Variants in CIP2A observed in about 807,000 individuals in gnomAD.
The protein encoded by CIP2A is protein CIP2A.
In CIP2A, 103 loss-of-function variants were observed where a neutral mutation model predicts 110.9. The ratio of observed to expected loss-of-function variants is 0.93; its 90% CI spans 0.79 to 1.09. The LOEUF is 1.09. Ranked by LOEUF, CIP2A falls within the 50% of genes least tolerant of loss-of-function variation. CIP2A has a pLI of 0.00. For synonymous variants in CIP2A, 381 were observed against 361.6 expected (o/e 1.05, Z -0.61); for missense variants, 1,088 against 1,038.4 (o/e 1.05, Z -0.66).
intron 7 of CIP2A, among the ~76,000 whole-genome samples, 156 bp downstream of exon 7, chr3:108,579,123 GAA>G (rs1266986346): frequency 1.3e-5 from 2 of 152,122 alleles, no homozygotes; most frequent in African/African-American, 2.4e-5. Context: ...GTTCAGGAAA[GAA>G]AAAAGAGTGT....
At position 108,568,281 on chromosome 3, in the gene CIP2A, C is replaced by G. The variant is rs756285819; in HGVS notation, c.1147G>C (p.Asp383His). 6.2e-7 allele frequency: 1 copy of G among 1,612,172 alleles called. No individual in the cohort carries two copies. Among genetic ancestry groups the G allele is most frequent in the East Asian group, 2.2e-5 (1 of 44,798 alleles). Reference protein sequence around the residue: ...VIDAANCSSADRFVTLLLPTI... With the variant: ...VIDAANCSSAHRFVTLLLPTI... ...GGCAGCAGAAGGGTCACAAAACGATCAGCCGAGGAACAGTTAGCAGCATCT... is the reference window on the plus strand; with the variant it reads ...GGCAGCAGAAGGGTCACAAAACGATGAGCCGAGGAACAGTTAGCAGCATCT... Residue 383 changes from aspartate to histidine, a missense_variant, in exon 10 of 21, where the codon GAT (aspartate) becomes CAT (histidine). Coordinates refer to ENST00000295746, the MANE Select transcript of CIP2A (RefSeq NM_020890.3).
Position 108,560,154 on chromosome 3 carries a change from C to T in CIP2A, c.1828-126G>A, listed in dbSNP as rs1257823884. The T allele has an allele frequency of 9.8e-6, 6 of 611,874 alleles. No individual in the cohort carries two copies. In the East Asian group the frequency reaches 1.4e-4, roughly 14 times the overall value. The allele number at this position is 611,874 out of a possible 1,614,324, so 37.9% of individuals were successfully genotyped here. A position where few individuals can be genotyped will look rare whatever the true frequency, so the allele number is the denominator to read the frequency against. On this transcript the variant is annotated intron_variant, in intron 14 of 20. Transcript: ENST00000295746. ...ATGAGTAACAAAATAAAAACAAATG[C>T]TACATCAGGTAAGTCACAAATATTT...
intron 19 of CIP2A, among the ~76,000 whole-genome samples, chr3:108,553,072 T>TA (rs1283686546): frequency 2.1e-5 from 3 of 146,108 alleles, no homozygotes; most frequent in African/African-American, 7.5e-5. Context: ...AAAGTTGAAA[T>TA]AATAAAAAAA....
At chr3:108,586,591 C>T (rs942215559) in intron 1 of CIP2A, among the ~76,000 whole-genome samples, 11 of 152,150 alleles carry the variant, frequency 7.2e-5, no homozygotes, top group African/African-American at 2.7e-4. Flanking sequence ...CTTACTCTGG[C>T]CTAGGCATCG....
At chr3:108,556,110 A>G (rs528299649) in intron 17 of CIP2A, among the ~76,000 whole-genome samples, 5 of 152,264 alleles carry the variant, frequency 3.3e-5, no homozygotes, top group Non-Finnish European at 7.4e-5. Context: ...GTGGTGCCTC[A>G]AACAATCAGA....
intron 17 of CIP2A, among the ~76,000 whole-genome samples, chr3:108,556,893 G>A (rs1170598716): frequency 6.6e-6 from 1 of 152,072 alleles, no homozygotes; most frequent in East Asian, 1.9e-4. Flanking sequence ...TATGCAGCAA[G>A]CACTCCTACA....
chr3:108,587,829 T>C (rs911654639), intron 1 of CIP2A, among the ~76,000 whole-genome samples: 4 of 152,128 alleles, frequency 2.6e-5, no homozygotes, highest in African/African-American at 9.7e-5. Context: ...GTCACCCATG[T>C]TGGAGTGCAG....
At chr3:108,557,945 T>TC (rs1466162783) in intron 16 of CIP2A, among the ~76,000 whole-genome samples, 1 of 151,998 alleles carries the variant, frequency 6.6e-6, no homozygotes, top group East Asian at 1.9e-4. Flanking sequence ...AAAAGTTGGT[T>TC]CCCCCCAGCC....
rs1938783225 is a variant in CIP2A, at chr3:108,579,341, T to C, written c.758A>G (p.Tyr253Cys). The C allele has an allele frequency of 6.2e-7, 1 of 1,604,738 alleles. No individual in the cohort carries two copies. The highest frequency in any genetic ancestry group is 1.7e-5 in the Admixed American group (1 of 59,952). Residue 253 changes from tyrosine to cysteine, a missense_variant, in exon 7 of 21, where the codon TAT becomes TGT. Transcript: ENST00000295746. ...INGDGTLTRK[Y>C]SVDLLMDLLK... ...GAGATCCATCAGTAGGTCAACTGAATACTTTCTAGTTAGAGTGCCATCACC... is the reference window on the plus strand; with the variant it reads ...GAGATCCATCAGTAGGTCAACTGAACACTTTCTAGTTAGAGTGCCATCACC...
rs780070884 is a variant in CIP2A, at chr3:108,552,373, T to C, written c.2408A>G (p.Asn803Ser). The C allele has an allele frequency of 6.6e-7, 1 of 1,513,828 alleles. No homozygotes were observed. Among genetic ancestry groups the C allele is most frequent in the Non-Finnish European group, 8.9e-7 (1 of 1,123,398 alleles). The allele number at this position is 1,513,828 out of a possible 1,614,324, so 93.8% of individuals were successfully genotyped here. Residue 803 changes from asparagine (N) to serine (S), a missense_variant and splice_region_variant, in exon 20 of 21, where the codon AAT becomes AGT. Physicochemically the swap from Asn to Ser is conservative, Grantham distance 46. Coordinates refer to ENST00000295746, the MANE Select transcript of CIP2A (RefSeq NM_020890.3). Reference sequence around the variant, plus strand: ...TTGTACTTTTGTTTTTTGATGCAAATCTTAAAAGAAAAAAAAGTCAAGTAT... The same window carrying C: ...TTGTACTTTTGTTTTTTGATGCAAACCTTAAAAGAAAAAAAAGTCAAGTAT... ...QLVDREHKLA[N>S]LHQKTKVQEE...
intron 18 of CIP2A, 41 bp downstream of exon 18, chr3:108,554,335 A>G: frequency 3.7e-6 from 3 of 818,314 alleles, no homozygotes; most frequent in Non-Finnish European, 5.9e-6. Flanking sequence ...TTTGTTTTTG[A>G]AAAATCCCAC....
chr3:108,560,661 C>A lies in CIP2A; in HGVS notation c.1815G>T (p.Gln605His), dbSNP rs755092489. ...TTTTTTCACTCACCACCATTCCAGA[C>A]TGAAGTTTCTCTATTAATTCTTCAA... ...LNIEELIEKL[Q>H]SGMVVKDQIC... The change falls in exon 14 of 21, where the codon CAG becomes CAT. Residue 605 changes from glutamine (Q) to histidine (H), a missense_variant. Physicochemically the swap from Gln to His is conservative, Grantham distance 24. Transcript: ENST00000295746. 6.2e-7 allele frequency: 1 copy of A among 1,604,392 alleles called. No homozygotes were observed. The highest frequency in any genetic ancestry group is 8.5e-7 in the Non-Finnish European group (1 of 1,174,692).
chr3:108,556,968 T>A (rs1034373083), intron 17 of CIP2A, among the ~76,000 whole-genome samples: 6 of 152,310 alleles, frequency 3.9e-5, no homozygotes, highest in African/African-American at 1.4e-4. Flanking sequence ...ATCTCCCAAA[T>A]GACTGCTGAC....
chr3:108,554,528 G>T, intron 17 of CIP2A, 39 bp from the exon 18 acceptor site: 1 of 811,394 alleles, frequency 1.2e-6, no homozygotes, highest in East Asian at 2.7e-5. Flanking sequence ...CATTATGGAG[G>T]AAAACATATG....
At position 108,552,353 on chromosome 3, in the gene CIP2A, C is replaced by T. The variant is rs756044325; in HGVS notation, c.2428G>A (p.Val810Ile). Residue 810 changes from valine (V) to isoleucine (I), a missense_variant, in exon 20 of 21, where the codon GTA (valine) becomes ATA (isoleucine). Val to Ile is a conservative substitution (Grantham distance 29). Transcript: ENST00000295746. ...KLANLHQKTK[V>I]QEEKIKTLQK... ...AAGGTTTTAATCTTTTCTTCTTGTA[C>T]TTTTGTTTTTTGATGCAAATCTTAA... 26 of 1,535,526 alleles carry T rather than the reference C, an allele frequency of 1.7e-5. No individual in the cohort carries two copies. In the Admixed American group the frequency reaches 4.8e-4, roughly 28 times the overall value.
chr3:108,558,058 A>C (rs769588386), intron 16 of CIP2A, among the ~76,000 whole-genome samples: 2 of 152,158 alleles, frequency 1.3e-5, no homozygotes, highest in Non-Finnish European at 2.9e-5. Flanking sequence ...TATTTTTATA[A>C]GAACTTTTCC....
Position 108,568,158 on chromosome 3 carries a change from A to G in CIP2A, c.1270T>C (p.Leu424=). ...ERIAKAIEVL[L]TLCGDDTLKM... ...CGTTAATGACAGTAAAGGATATTTA[A>G]CAAAACTTCAATGGCCTTGGCAATC... The change falls in exon 10 of 21, where the codon TTA becomes CTA. Residue 424 remains leucine, a synonymous_variant. Coordinates refer to ENST00000295746, the MANE Select transcript of CIP2A (RefSeq NM_020890.3). The G allele has an allele frequency of 6.2e-7, 1 of 1,611,308 alleles. No individual in the cohort carries two copies.
intron 8 of CIP2A, among the ~76,000 whole-genome samples, chr3:108,574,126 T>C (rs1938487575): frequency 6.6e-6 from 1 of 152,126 alleles, no homozygotes; most frequent in Non-Finnish European, 1.5e-5. Context: ...TTGCATGTTA[T>C]ATACCCATCA....
In CIP2A at chr3:108,585,857, C is replaced by A. The variant is rs1254415200; in HGVS notation, c.103-645G>T. 2.7e-5 allele frequency: 12 copies of A among 444,726 alleles called. No homozygotes were observed. The Admixed American group carries it at 2.9e-4, about 11-fold the overall frequency. The allele number at this position is 444,726 out of a possible 1,614,324, so 27.5% of individuals were successfully genotyped here. On this transcript the variant is annotated intron_variant, in intron 1 of 20. Coordinates refer to ENST00000295746, the MANE Select transcript of CIP2A (RefSeq NM_020890.3). ...TCTGATTATTCCATTGTTTTTTTTA[C>A]TTTCTTGTAATCTATAAGCCACATA...
Sources: gnomAD v4.1 joint callset for allele counts (sites outside exome capture counted in the v4.1 genomes callset) on GRCh38, gnomAD v4.1.1 for gene constraint, MANE v1.5 for transcripts, NCBI Gene and HGNC (gene_info 2026-07-23, HGNC 2026-07-21) for gene names.